Variants in SPECC1L observed in about 807,000 individuals in gnomAD.
SPECC1L encodes cytospin-A.
A neutral mutation model predicts 116.8 loss-of-function variants in SPECC1L; 40 were observed. The observed-to-expected ratio is 0.34, with a 90% CI of 0.27 to 0.45. The LOEUF (loss-of-function observed/expected upper bound fraction) is 0.45. Among genes scored for constraint, SPECC1L ranks in the 20% least tolerant of loss-of-function variants. The pLI, the probability that SPECC1L is intolerant of heterozygous loss-of-function variation, is 1.00. For missense variants in SPECC1L, 1,110 were observed against 1,373.6 expected, an observed-to-expected ratio of 0.81 and a Z score of 3.03; for synonymous variants, 504 against 500.6, an observed-to-expected ratio of 1.01 and a Z score of -0.09.
intron 14 of SPECC1L, among the ~76,000 whole-genome samples, chr22:24,393,782 T>C (rs930111905): frequency 3.3e-5 from 5 of 152,170 alleles, no homozygotes; most frequent in Non-Finnish European, 7.4e-5. Context: ...CACCACATGA[T>C]AGACAAACCA....
At chr22:24,315,566 A>AT (rs2040546177) in intron 4 of SPECC1L, among the ~76,000 whole-genome samples, 1 of 152,254 alleles carries the variant, frequency 6.6e-6, no homozygotes, top group African/African-American at 2.4e-5. Flanking sequence ...TGCCATTTGC[A>AT]TGTCTTCCTG....
intron 14 of SPECC1L, among the ~76,000 whole-genome samples, chr22:24,377,800 TA>T (rs543606223): frequency 2.0e-3 from 311 of 152,354 alleles, no homozygotes; most frequent in African/African-American, 7.0e-3. Context: ...AAATGTTCGA[TA>T]ACTATGCTGT....
intron 2 of SPECC1L, among the ~76,000 whole-genome samples, chr22:24,294,303 G>C (rs2049214427): frequency 7.0e-6 from 1 of 143,022 alleles, no homozygotes; most frequent in South Asian, 2.3e-4. Flanking sequence ...TAAAGGATGG[G>C]GACCTATTTT....
chr22:24,314,006 G>A (rs2040511379), intron 4 of SPECC1L, among the ~76,000 whole-genome samples: 1 of 151,896 alleles, frequency 6.6e-6, no homozygotes, highest in African/African-American at 2.4e-5. Flanking sequence ...CAAAGTGTTG[G>A]GATTACAGGC....
At chr22:24,272,687 A>G (rs934834941) in intron 1 of SPECC1L, among the ~76,000 whole-genome samples, 1 of 151,730 alleles carries the variant, frequency 6.6e-6, no homozygotes, top group African/African-American at 2.4e-5. Flanking sequence ...AAAAACAGCT[A>G]TTACAATATA....
chr22:24,348,212 C>A (rs1028142719), intron 11 of SPECC1L, among the ~76,000 whole-genome samples: 1 of 152,148 alleles, frequency 6.6e-6, no homozygotes, highest in African/African-American at 2.4e-5. Flanking sequence ...TTAGCTGATG[C>A]AGGCCAGTTA....
chr22:24,411,779 C>A (rs1283547322), intron 15 of SPECC1L, 75 bp downstream of exon 15: 21 of 1,203,318 alleles, frequency 1.7e-5, no homozygotes, highest in Non-Finnish European at 2.1e-5. Flanking sequence ...CAGCACCTGC[C>A]TCAGCAGGTC....
At chr22:24,290,537 T>C (rs2049138208) in intron 2 of SPECC1L, among the ~76,000 whole-genome samples, 1 of 152,216 alleles carries the variant, frequency 6.6e-6, no homozygotes, top group Admixed American at 6.5e-5. Context: ...CAGTAAGCAT[T>C]GAAGTTTTTT....
chr22:24,315,486 C>A (rs1044788889), intron 4 of SPECC1L, among the ~76,000 whole-genome samples: 2 of 152,256 alleles, frequency 1.3e-5, no homozygotes, highest in African/African-American at 4.8e-5. Context: ...AGGTCTTTTA[C>A]TCCCAAGCCT....
intron 9 of SPECC1L, among the ~76,000 whole-genome samples, chr22:24,337,994 A>G (rs1053107354): frequency 1.3e-5 from 2 of 152,226 alleles, no homozygotes; most frequent in African/African-American, 4.8e-5. Context: ...TTTGTTTAAT[A>G]TGCAACTATT....
chr22:24,300,295 C>T (rs1285927697), intron 2 of SPECC1L, among the ~76,000 whole-genome samples: 1 of 152,146 alleles, frequency 6.6e-6, no homozygotes, highest in Non-Finnish European at 1.5e-5. Flanking sequence ...CATGTCCCTC[C>T]AAAGGACATG....
chr22:24,397,213 A>C (rs1278798783), intron 14 of SPECC1L, among the ~76,000 whole-genome samples: 2 of 152,160 alleles, frequency 1.3e-5, no homozygotes. Flanking sequence ...GTAGAAACGA[A>C]TACACCGACA....
At chr22:24,345,706 G>A (rs1489019440) in intron 10 of SPECC1L, among the ~76,000 whole-genome samples, 2 of 152,190 alleles carry the variant, frequency 1.3e-5, no homozygotes, top group African/African-American at 4.8e-5. Context: ...AATCCACAAT[G>A]AGATCCTATT....
chr22:24,324,253 G>A lies in SPECC1L; in HGVS notation c.1972G>A (p.Ala658Thr), dbSNP rs1342262704. 1 of 1,614,004 alleles carries A rather than the reference G, an allele frequency of 6.2e-7. No homozygotes were observed. The highest frequency in any genetic ancestry group is 8.5e-7 in the Non-Finnish European group (1 of 1,179,974). ...EDEYRAFQEE[A>T]KKQIEDLNMT... ...TGAATACCGAGCCTTCCAAGAAGAA[G>A]CTAAGAAACAAATTGAAGATTTGAA... Residue 658 changes from alanine (A) to threonine (T), a missense_variant, in exon 6 of 17, where the codon GCT becomes ACT. Around this residue, in one of 4 missense-constraint regions of SPECC1L, gnomAD observed 575 missense variants for 682.4 expected, o/e 0.84. Transcript: ENST00000314328.
chr22:24,341,211 T>C (rs1248164039), intron 10 of SPECC1L, among the ~76,000 whole-genome samples: 2 of 152,160 alleles, frequency 1.3e-5, no homozygotes, highest in Non-Finnish European at 2.9e-5. Flanking sequence ...GAAAGGAGTA[T>C]AGAAATCTGC....
intron 10 of SPECC1L, among the ~76,000 whole-genome samples, chr22:24,344,753 A>G (rs748976349): frequency 2.0e-5 from 3 of 152,262 alleles, no homozygotes; most frequent in Non-Finnish European, 4.4e-5. Flanking sequence ...ACGAGGTCCT[A>G]TACAAAAGTT....
chr22:24,389,072 G>A (rs1355784079), intron 14 of SPECC1L, among the ~76,000 whole-genome samples: 3 of 149,500 alleles, frequency 2.0e-5, no homozygotes, highest in Non-Finnish European at 3.0e-5. Context: ...GTTCTTCCAC[G>A]TGGCATGTGT....
chr22:24,369,300 A>G lies in SPECC1L; in HGVS notation c.3067A>G (p.Lys1023Glu), dbSNP rs2041830049. ...KRNALLKWCQ[K>E]KTEGYQNIDI... Reference sequence around the variant, plus strand: ...GAACGCCTTGCTGAAGTGGTGTCAGAAGAAAACAGAAGGCTATCAGGTAAT... The same window carrying G: ...GAACGCCTTGCTGAAGTGGTGTCAGGAGAAAACAGAAGGCTATCAGGTAAT... The change falls in exon 14 of 17, where the codon AAG becomes GAG. Residue 1023 changes from lysine (K) to glutamate (E), a missense_variant. Physicochemically the swap from Lys to Glu is moderately conservative, Grantham distance 56 (BLOSUM62 1). Transcript: ENST00000314328. 1 of 1,613,578 alleles carries G rather than the reference A, an allele frequency of 6.2e-7. No individual in the cohort carries two copies. Among genetic ancestry groups the G allele is most frequent in the Admixed American group, 1.7e-5 (1 of 60,026 alleles).
intron 2 of SPECC1L, among the ~76,000 whole-genome samples, chr22:24,281,959 C>T (rs2048951790): frequency 6.6e-6 from 1 of 152,230 alleles, no homozygotes; most frequent in Admixed American, 6.5e-5. Flanking sequence ...TTTATGATTA[C>T]TCAAATCAGT....
Sources: gnomAD v4.1 joint callset for allele counts (sites outside exome capture counted in the v4.1 genomes callset) on GRCh38, gnomAD v4.1.1 for gene constraint, gnomAD v4.1.1 regional missense constraint, MANE v1.5 for transcripts, NCBI Gene and HGNC (gene_info 2026-07-23, HGNC 2026-07-21) for gene names.